The following AQP9 variants were observed in gnomAD, a reference collection of about 807,000 sequenced individuals.
The protein encoded by AQP9 is aquaporin-9.
Under a neutral mutation model 23.8 loss-of-function variants are expected in AQP9, and 19 were observed. The observed-to-expected ratio is 0.80, with a 90% CI of 0.56 to 1.17. The LOEUF is 1.17. AQP9 is among the 50% of genes most tolerant of loss of function. The pLI is 0.00. For synonymous variants in AQP9, 153 were observed against 131.5 expected (o/e 1.16, Z -1.12); for missense variants, 413 against 362.0 (o/e 1.14, Z -1.14).
intron 1 of AQP9, among the ~76,000 whole-genome samples, chr15:58,144,887 A>G (rs528390332): frequency 1.5e-3 from 228 of 151,762 alleles, no homozygotes; most frequent in South Asian, 2.3e-3. Flanking sequence ...GATGGCATGC[A>G]CCTGTAGTCC....
chr15:58,174,012 G>A (rs1004273643), intron 3 of AQP9, among the ~76,000 whole-genome samples: 3 of 152,162 alleles, frequency 2.0e-5, no homozygotes, highest in Admixed American at 2.0e-4. Context: ...CTGGGTGTGT[G>A]GTGGCTCATG....
chr15:58,158,732 G>A (rs780461479), intron 1 of AQP9, among the ~76,000 whole-genome samples: 7 of 152,098 alleles, frequency 4.6e-5, no homozygotes, highest in Non-Finnish European at 8.8e-5. Flanking sequence ...CATTAATTCT[G>A]AAAATACAAG....
chr15:58,155,216 G>A (rs1195454529), intron 1 of AQP9: 1 of 152,144 alleles, frequency 6.6e-6, no homozygotes, highest in African/African-American at 2.4e-5. Context: ...CGTGCTAACG[G>A]CGCTTCAGTA....
intron 1 of AQP9, among the ~76,000 whole-genome samples, chr15:58,147,179 C>T (rs1307571529): frequency 6.6e-6 from 1 of 152,136 alleles, no homozygotes; most frequent in Non-Finnish European, 1.5e-5. Flanking sequence ...AGAAAACTCA[C>T]TGTTTTCATT....
chr15:58,174,959 G>T lies in AQP9; in HGVS notation c.418G>T (p.Gly140Ter). The T allele has an allele frequency of 6.2e-7, 1 of 1,614,190 alleles. No homozygotes were observed. The highest frequency in any genetic ancestry group is 8.5e-7 in the Non-Finnish European group (1 of 1,180,014). ...SFAGGKLLIV[G>*]ENATAHIFAT... ...TGCTGGTGGAAAACTGCTGATCGTG[G>T]GAGAAAATGCAACAGCACACATTTT... Residue 140 changes from glycine (G) to a stop codon, truncating the protein, a stop_gained, in exon 4 of 6, where the codon GGA (glycine) becomes TGA (stop). Transcript: ENST00000219919. LOFTEE classifies it high-confidence loss of function.
chr15:58,152,174 G>A (rs1898163798), intron 1 of AQP9: 1 of 152,032 alleles, frequency 6.6e-6, no homozygotes, highest in Admixed American at 6.6e-5. Context: ...CTTATCTGAG[G>A]CCTTCAAACA....
Position 58,184,165 on chromosome 15 carries a change from G to GT in AQP9, c.*33dup. On this transcript the variant is annotated 3_prime_UTR_variant, in exon 6 of 6. Transcript: ENST00000219919. ...ATGCTCAGCTCTGGATTTGCAGTCA[G>GT]TTTGGGATTCTCTTCAGAAAGATGG... 1.2e-6 allele frequency: 2 copies of GT among 1,602,494 alleles called. No homozygotes were observed. Among genetic ancestry groups the GT allele is most frequent in the Non-Finnish European group, 1.7e-6 (2 of 1,172,076 alleles).
rs145771255 is a variant in AQP9 at position 58,166,789 on chromosome 15, C to A, written c.228C>A (p.Gly76=). ...MAVAMAIYVA[G]GVSGGHINPA... is the part of the protein sequence containing the mutation. Reference sequence around the variant, plus strand: ...TTGCAATGGCCATTTATGTGGCTGGCGGTGTCTCTGGTAAGCAGTAGAAAT... The same window carrying A: ...TTGCAATGGCCATTTATGTGGCTGGAGGTGTCTCTGGTAAGCAGTAGAAAT... Residue 76 remains glycine (G), a synonymous_variant, in exon 2 of 6, where the codon GGC becomes GGA. Transcript: ENST00000219919. The A allele has an allele frequency of 6.2e-7, 1 of 1,613,652 alleles. No homozygotes were observed. The highest frequency in any genetic ancestry group is 2.2e-5 in the East Asian group (1 of 44,876).
At chr15:58,140,517 C>A (rs1486969362) in intron 1 of AQP9, among the ~76,000 whole-genome samples, 1 of 152,196 alleles carries the variant, frequency 6.6e-6, no homozygotes, top group African/African-American at 2.4e-5. Flanking sequence ...TTATCATCTT[C>A]AGTTTTGTTG....
chr15:58,165,536 C>A (rs1481367999), intron 1 of AQP9, among the ~76,000 whole-genome samples: 16 of 152,146 alleles, frequency 1.1e-4, no homozygotes, highest in Admixed American at 9.2e-4. Flanking sequence ...AAAAGAAATG[C>A]ATGTAATGTA....
At chr15:58,165,021 G>T (rs892103022) in intron 1 of AQP9, among the ~76,000 whole-genome samples, 12 of 151,984 alleles carry the variant, frequency 7.9e-5, no homozygotes, top group Non-Finnish European at 1.5e-4. Context: ...AAATATATTT[G>T]TTTCTGAAAT....
intron 1 of AQP9, among the ~76,000 whole-genome samples, chr15:58,161,307 A>T (rs2414539): frequency 0.18 from 27,306 of 152,182 alleles, 2,566 homozygotes; most frequent in African/African-American, 0.21. Context: ...CACCAATTAA[A>T]GTTTTGTAGG....
At position 58,138,684 on chromosome 15, in the gene AQP9, T is replaced by C. The variant is rs1257388593; in HGVS notation, c.111+8T>C. 3 of 1,611,418 alleles carry C rather than the reference T, an allele frequency of 1.9e-6. No homozygotes were observed. The highest frequency in any genetic ancestry group is 1.7e-5 in the Admixed American group (1 of 59,974). On this transcript the variant is annotated splice_region_variant and intron_variant, in intron 1 of 5. Transcript: ENST00000219919. ...GGCACGTTCATCTTGATTGTAAGTATTTCCTGATTTCCTACATTCAGACCC... is the reference window on the plus strand; with the variant it reads ...GGCACGTTCATCTTGATTGTAAGTACTTCCTGATTTCCTACATTCAGACCC...
chr15:58,163,580 G>T (rs1403712825), intron 1 of AQP9, among the ~76,000 whole-genome samples: 1 of 152,078 alleles, frequency 6.6e-6, no homozygotes, highest in African/African-American at 2.4e-5. Context: ...GAAATATTAG[G>T]TTTGTTGAGA....
chr15:58,180,375 A>G (rs1898857229), intron 5 of AQP9, among the ~76,000 whole-genome samples: 1 of 152,204 alleles, frequency 6.6e-6, no homozygotes, highest in Admixed American at 6.5e-5. Context: ...AGGGTGAAAA[A>G]TAAGTTAAAA....
At chr15:58,146,115 C>A (rs1477500890) in intron 1 of AQP9, among the ~76,000 whole-genome samples, 1 of 151,982 alleles carries the variant, frequency 6.6e-6, no homozygotes, top group Non-Finnish European at 1.5e-5. Context: ...TAGTTCTTAA[C>A]TCATTTTTCA....
Position 58,166,756 on chromosome 15 carries a change from A to C in AQP9, c.195A>C (p.Ser65=). Residue 65 remains serine, a synonymous_variant, in exon 2 of 6, where the codon TCA becomes TCC. Transcript: ENST00000219919. ...GGVITINVGF[S]MAVAMAIYVA... is the part of the protein sequence containing the mutation. ...TCATCACTATCAATGTTGGATTTTC[A>C]ATGGCAGTTGCAATGGCCATTTATG... 1 of 1,614,006 alleles carries C rather than the reference A, an allele frequency of 6.2e-7. No individual in the cohort carries two copies. Among genetic ancestry groups the C allele is most frequent in the South Asian group, 1.1e-5 (1 of 91,050 alleles).
chr15:58,158,620 T>G (rs1166169670), intron 1 of AQP9, among the ~76,000 whole-genome samples: 3 of 152,190 alleles, frequency 2.0e-5, no homozygotes, highest in African/African-American at 4.8e-5. Context: ...AAATTTTTTG[T>G]ACAGTATTTA....
At chr15:58,169,314 C>G (rs1898572508) in intron 2 of AQP9, among the ~76,000 whole-genome samples, 1 of 152,178 alleles carries the variant, frequency 6.6e-6, no homozygotes. Context: ...AATAGTAGCA[C>G]TGGCTTGGAA....
Sources: allele counts gnomAD v4.1 joint callset (sites outside exome capture counted in the v4.1 genomes callset), GRCh38; gene constraint gnomAD v4.1.1; transcripts MANE v1.5; gene names NCBI Gene and HGNC (gene_info 2026-07-23, HGNC 2026-07-21).